Variants in CABIN1 observed in about 807,000 individuals in gnomAD.
The protein encoded by CABIN1 is calcineurin-binding protein cabin-1.
CABIN1 carries 133 observed loss-of-function variants against 227.7 expected under a neutral mutation model. The observed-to-expected ratio is 0.58, with a 90% confidence interval of 0.51 to 0.67. The LOEUF is 0.67. Ranked by LOEUF, CABIN1 falls within the 30% of genes least tolerant of loss-of-function variation. CABIN1 has a pLI of 0.00. For synonymous variants in CABIN1, 1,086 were observed against 1,155.1 expected (o/e 0.94, Z 1.21); for missense variants, 2,408 against 2,852.5 (o/e 0.84, Z 3.55).
At chr22:24,045,082 G>A (rs2037746639) in intron 6 of CABIN1, among the ~76,000 whole-genome samples, 1 of 152,060 alleles carries the variant, frequency 6.6e-6, no homozygotes, top group African/African-American at 2.4e-5. Flanking sequence ...ACCAAGCCCG[G>A]CTAATTTTTT....
At chr22:24,106,438 T>G (rs572785879) in intron 26 of CABIN1, among the ~76,000 whole-genome samples, 1 of 152,330 alleles carries the variant, frequency 6.6e-6, no homozygotes, top group East Asian at 1.9e-4. Context: ...GGCTCTGGGT[T>G]ACACACCACA....
intron 29 of CABIN1, chr22:24,160,281 C>A (rs2046076483): frequency 6.6e-6 from 1 of 152,338 alleles, no homozygotes; most frequent in Non-Finnish European, 1.5e-5. Context: ...ACTGTTCTGA[C>A]TGGCCTGCTC....
chr22:24,168,561 GC>G, intron 33 of CABIN1, 40 bp downstream of exon 33: 1 of 1,465,652 alleles, frequency 6.8e-7, no homozygotes, highest in Non-Finnish European at 9.4e-7. Context: ...ATCTTGCGGA[GC>G]CTGCTCCATA....
intron 1 of CABIN1, among the ~76,000 whole-genome samples, chr22:24,015,033 G>A: frequency 6.6e-6 from 1 of 151,988 alleles, no homozygotes. Flanking sequence ...GGAGGCTGAG[G>A]TGGGCAGATT....
At chr22:24,103,310 G>A (rs1735673166) in intron 26 of CABIN1, 1 of 152,138 alleles carries the variant, frequency 6.6e-6, no homozygotes, top group African/African-American at 2.4e-5. Context: ...TATTTCCATT[G>A]CTTTGCTCTT....
intron 10 of CABIN1, among the ~76,000 whole-genome samples, chr22:24,057,864 T>C (rs2038915824): frequency 6.6e-6 from 1 of 152,242 alleles, no homozygotes; most frequent in Non-Finnish European, 1.5e-5. Context: ...TGCAGGATTG[T>C]TCTTTGGTTG....
At chr22:24,147,251 G>C (rs2045179103) in intron 29 of CABIN1, among the ~76,000 whole-genome samples, 3 of 90,228 alleles carry the variant, frequency 3.3e-5, no homozygotes, top group African/African-American at 4.5e-5. Flanking sequence ...CTCTCTCCCT[G>C]CCTCCCTCCC....
intron 15 of CABIN1, among the ~76,000 whole-genome samples, 169 bp from the exon 16 acceptor site, chr22:24,066,818 T>G (rs950958884): frequency 2.0e-5 from 3 of 152,256 alleles, no homozygotes; most frequent in African/African-American, 7.2e-5. Context: ...ACACATACGT[T>G]TAGTGTAAAC....
chr22:24,117,742 G>A (rs1238436717), intron 27 of CABIN1, among the ~76,000 whole-genome samples: 1 of 152,270 alleles, frequency 6.6e-6, no homozygotes, highest in East Asian at 1.9e-4. Context: ...TAAAAATTGT[G>A]CTCTGTGTGT....
In CABIN1 at chr22:24,168,632, A is replaced by T. The variant is rs1456149221; in HGVS notation, c.5757+111A>T. The T allele has an allele frequency of 1.2e-5, 11 of 950,574 alleles. No homozygotes were observed. In the Admixed American group the frequency reaches 2.2e-4, roughly 19 times the overall value. 58.9% of individuals were successfully genotyped at this position (950,574 alleles called of 1,614,324 possible). A position where few individuals can be genotyped will look rare whatever the true frequency, so the allele number is the denominator to read the frequency against. ...CACTCTTGGGACTGTTCTTGTGGTC[A>T]GCTTGGGCTGAGGGGAGATGAGCAG... On this transcript the variant is annotated intron_variant, in intron 33 of 36. Transcript: ENST00000263119.
intron 26 of CABIN1, among the ~76,000 whole-genome samples, chr22:24,108,140 A>G (rs565046819): frequency 6.6e-6 from 1 of 152,330 alleles, no homozygotes; most frequent in African/African-American, 2.4e-5. Context: ...GTAGGAAGAC[A>G]ATGGCAATCG....
At chr22:24,070,165 C>T (rs2039986432) in intron 16 of CABIN1, among the ~76,000 whole-genome samples, 1 of 152,190 alleles carries the variant, frequency 6.6e-6, no homozygotes, top group Non-Finnish European at 1.5e-5. Context: ...AGAGTTCTTC[C>T]ATGTGCCAGG....
rs1189164336 is a variant in CABIN1, at chr22:24,165,108, A to T, written c.4911-422A>T. Among the ~76,000 whole-genome samples the T allele has an allele frequency of 1.9e-4, 29 of 152,124 alleles. 1 individual carries two copies. The highest frequency in any genetic ancestry group is 1.9e-3 in the Admixed American group (29 of 15,282). On this transcript the variant is annotated intron_variant, in intron 30 of 36. Transcript: ENST00000263119. ...TAGATGGGCCTGGCCTGGAGGCCTC[A>T]CTCCGTCAGCTGGACTGGGCCTCCT...
At chr22:24,051,733 A>C (rs1269416161) in intron 8 of CABIN1, among the ~76,000 whole-genome samples, 2 of 151,824 alleles carry the variant, frequency 1.3e-5, no homozygotes, top group East Asian at 3.9e-4. Flanking sequence ...GAATTGGATG[A>C]CTCTGGGGAC....
At chr22:24,175,932 TG>T in intron 34 of CABIN1, 178 bp from the exon 35 acceptor site, 1 of 718,924 alleles carries the variant, frequency 1.4e-6, no homozygotes, top group Non-Finnish European at 2.4e-6. Flanking sequence ...TCCTCTTGGG[TG>T]GTGAGTGGTT....
At chr22:24,044,750 T>C (rs1223177961) in intron 6 of CABIN1, among the ~76,000 whole-genome samples, 1 of 152,126 alleles carries the variant, frequency 6.6e-6, no homozygotes, top group East Asian at 1.9e-4. Context: ...ATAACAAGGA[T>C]CACCTTTTCT....
chr22:24,071,448 G>A lies in CABIN1; in HGVS notation c.2475+406G>A, dbSNP rs190270711. Among the ~76,000 whole-genome samples, 23 of 152,192 alleles carry A rather than the reference G, an allele frequency of 1.5e-4. No homozygotes were observed. In the East Asian group the frequency reaches 3.3e-3, roughly 22 times the overall value. On this transcript the variant is annotated intron_variant, in intron 17 of 36. Transcript: ENST00000263119. ...AGGGGTAGTCACAGCACCCTGCATCGTCCAGGAAGTCTTTAAGGCAGAGAA... is the reference window on the plus strand; with the variant it reads ...AGGGGTAGTCACAGCACCCTGCATCATCCAGGAAGTCTTTAAGGCAGAGAA...
intron 1 of CABIN1, among the ~76,000 whole-genome samples, chr22:24,031,197 G>A (rs958223611): frequency 1.3e-5 from 2 of 152,182 alleles, no homozygotes; most frequent in Non-Finnish European, 2.9e-5. Context: ...GAGCTAGCAC[G>A]TGTCCTGCAG....
Position 24,176,253 on chromosome 22 carries a change from C to T in CABIN1, c.6183C>T (p.Gly2061=), listed in dbSNP as rs764258131. ...CWPAEAALGT[G]AEPTCSQEGK... ...CGGCAGAGGCTGCCCTGGGCACAGG[C>T]GCTGAGCCCACCTGCAGCCAGGGTA... The change falls in exon 35 of 37, where the codon GGC becomes GGT. Residue 2061 remains glycine, a synonymous_variant. Coordinates refer to ENST00000263119, the MANE Select transcript of CABIN1 (RefSeq NM_012295.4). 8 of 1,604,864 alleles carry T rather than the reference C, an allele frequency of 5.0e-6. No homozygotes were observed. Among genetic ancestry groups the T allele is most frequent in the South Asian group, 4.5e-5 (4 of 89,866 alleles).
Sources: gnomAD v4.1 joint callset for allele counts (sites outside exome capture counted in the v4.1 genomes callset) on GRCh38, gnomAD v4.1.1 for gene constraint, MANE v1.5 for transcripts, NCBI Gene and HGNC (gene_info 2026-07-23, HGNC 2026-07-21) for gene names.